Variants in SOX6 observed in about 807,000 individuals in gnomAD.
SOX6 encodes the protein transcription factor SOX-6.
In SOX6, 11 loss-of-function variants were observed where a neutral mutation model predicts 97.8. The ratio of observed to expected loss-of-function variants is 0.11; its 90% CI spans 0.07 to 0.19. The LOEUF (loss-of-function observed/expected upper bound fraction) is 0.19. SOX6 is among the 10% of genes least tolerant of loss of function. The pLI is 1.00. For missense variants in SOX6, 810 were observed against 1,039.5 expected, an observed-to-expected ratio of 0.78 and a Z score of 3.04; for synonymous variants, 360 against 371.4, an observed-to-expected ratio of 0.97 and a Z score of 0.35.
chr11:16,531,110 G>A (rs1260557517), intron 4 of SOX6, among the ~76,000 whole-genome samples: 3 of 150,118 alleles, frequency 2.0e-5, no homozygotes, highest in African/African-American at 7.3e-5. Flanking sequence ...TTTGGTGATT[G>A]TTGCAATAAG....
At chr11:15,980,708 TAAG>T in intron 15 of SOX6, among the ~76,000 whole-genome samples, 1 of 152,154 alleles carries the variant, frequency 6.6e-6, no homozygotes, top group Admixed American at 6.6e-5. Context: ...CTACTTCCCA[TAAG>T]TCTGACCTAC....
At chr11:16,435,654 AAGCCAACC>A (rs1214977659) in intron 1 of SOX6, among the ~76,000 whole-genome samples, 6 of 152,186 alleles carry the variant, frequency 3.9e-5, no homozygotes, top group African/African-American at 1.4e-4. Context: ...TTTCTGTTTG[AAGCCAACC>A]AGTTGATGGT....
chr11:16,728,258 C>T (rs1848322583), intron 2 of SOX6, among the ~76,000 whole-genome samples: 1 of 152,184 alleles, frequency 6.6e-6, no homozygotes, highest in Non-Finnish European at 1.5e-5. Flanking sequence ...TCAAGTGGGT[C>T]CCTGACCCCA....
intron 4 of SOX6, among the ~76,000 whole-genome samples, chr11:16,501,597 C>T (rs1860710484): frequency 6.6e-6 from 1 of 151,764 alleles, no homozygotes. Flanking sequence ...CTAGAAAGAA[C>T]TCAAACAAAT....
intron 1 of SOX6, among the ~76,000 whole-genome samples, chr11:16,361,646 C>T (rs904157502): frequency 3.9e-5 from 6 of 152,102 alleles, no homozygotes; most frequent in African/African-American, 4.8e-5. Flanking sequence ...GAAACTCTAC[C>T]CCAGAAACAT....
At position 15,989,119 on chromosome 11, in the gene SOX6, G is replaced by C. The variant is rs770025744; in HGVS notation, c.1844C>G (p.Ala615Gly). ...TCGCTTAATGTGTGGCTCGCTGCTG[G>C]CACGGCCGCGGGCGTCCCTGTAGAC... ...ARVYRDARGRASSEPHIKRPM... is the reference protein window; with the variant it reads ...ARVYRDARGRGSSEPHIKRPM... The change falls in exon 14 of 16, where the codon GCC becomes GGC. Residue 615 changes from alanine (A) to glycine (G), a missense_variant. Coordinates refer to ENST00000683767, the MANE Select transcript of SOX6 (RefSeq NM_001367873.1). 1 of 1,614,170 alleles carries C rather than the reference G, an allele frequency of 6.2e-7. No individual in the cohort carries two copies.
chr11:16,560,471 GTACATATATGTTTATA>G (rs1847797997), intron 4 of SOX6, among the ~76,000 whole-genome samples: 1 of 148,804 alleles, frequency 6.7e-6, no homozygotes, highest in African/African-American at 2.5e-5. Context: ...ATGTTTATAC[GTACATATATGTTTATA>G]CGTACATATA....
intron 13 of SOX6, among the ~76,000 whole-genome samples, chr11:15,990,570 G>A (rs965088117): frequency 6.6e-6 from 1 of 152,072 alleles, no homozygotes; most frequent in African/African-American, 2.4e-5. Context: ...ATGCATGAAT[G>A]AATAAATAAA....
chr11:16,666,883 C>A (rs899256595), intron 3 of SOX6, among the ~76,000 whole-genome samples: 2 of 151,588 alleles, frequency 1.3e-5, no homozygotes, highest in Admixed American at 6.6e-5. Flanking sequence ...CTTAAAAGGG[C>A]AAATCTAAGA....
chr11:16,022,628 GT>G (rs1590137017), intron 12 of SOX6, among the ~76,000 whole-genome samples: 1 of 152,078 alleles, frequency 6.6e-6, no homozygotes, highest in East Asian at 1.9e-4. Flanking sequence ...GGCCAGGCTG[GT>G]TTTGAACTCC....
chr11:16,608,375 C>T (rs1023882485), intron 4 of SOX6, among the ~76,000 whole-genome samples: 31 of 150,832 alleles, frequency 2.1e-4, no homozygotes, highest in African/African-American at 7.6e-4. Context: ...AAGCGAGTCA[C>T]GAGACAAACG....
At chr11:16,197,116 G>T (rs1255788872) in intron 4 of SOX6, among the ~76,000 whole-genome samples, 1 of 152,032 alleles carries the variant, frequency 6.6e-6, no homozygotes, top group South Asian at 2.1e-4. Context: ...TTACAGGCGG[G>T]AGCCACCACG....
chr11:16,115,477 T>C (rs1211316839), intron 6 of SOX6, among the ~76,000 whole-genome samples: 1 of 152,174 alleles, frequency 6.6e-6, no homozygotes, highest in African/African-American at 2.4e-5. Context: ...GTCAAGAGTC[T>C]TTGAATCAGT....
intron 3 of SOX6, among the ~76,000 whole-genome samples, chr11:16,693,696 G>T (rs991469046): frequency 6.6e-6 from 1 of 152,014 alleles, no homozygotes; most frequent in African/African-American, 2.4e-5. Context: ...TTATACTCCT[G>T]GATGTAAATG....
At chr11:16,014,543 A>G (rs1854825024) in intron 13 of SOX6, among the ~76,000 whole-genome samples, 1 of 152,068 alleles carries the variant, frequency 6.6e-6, no homozygotes, top group South Asian at 2.1e-4. Flanking sequence ...AAATATATAC[A>G]ATTATTACTT....
At chr11:16,133,061 AT>A (rs1470528612) in intron 6 of SOX6, among the ~76,000 whole-genome samples, 1 of 152,230 alleles carries the variant, frequency 6.6e-6, no homozygotes, top group Non-Finnish European at 1.5e-5. Context: ...ATAAAAAAAA[AT>A]GGCCTAATTT....
chr11:16,141,880 T>C (rs10832552), intron 6 of SOX6, among the ~76,000 whole-genome samples: 67,348 of 151,964 alleles, frequency 0.44, 15,230 homozygotes, highest in East Asian at 0.61. Context: ...AGGAGCCCAC[T>C]GCAGGTCAAG....
At chr11:16,366,495 G>T (rs914535930) in intron 1 of SOX6, among the ~76,000 whole-genome samples, 1 of 152,002 alleles carries the variant, frequency 6.6e-6, no homozygotes, top group African/African-American at 2.4e-5. Flanking sequence ...AATCTATAAT[G>T]ATAACAGATA....
intron 4 of SOX6, among the ~76,000 whole-genome samples, chr11:16,559,521 A>G (rs1285535729): frequency 6.6e-6 from 1 of 152,208 alleles, no homozygotes; most frequent in Admixed American, 6.6e-5. Context: ...TGCCTCATTC[A>G]TTGCTCTTTG....
Sources: allele counts gnomAD v4.1 joint callset (sites outside exome capture counted in the v4.1 genomes callset), GRCh38; gene constraint gnomAD v4.1.1; transcripts MANE v1.5; gene names NCBI Gene and HGNC (gene_info 2026-07-23, HGNC 2026-07-21).